Variants in MGLL observed in about 807,000 individuals in gnomAD.
The protein encoded by MGLL is lysophospholipase homolog.
In MGLL, 7 loss-of-function variants were observed where a neutral mutation model predicts 29.1. That is an observed-to-expected ratio of 0.24 (90% CI 0.14 to 0.45). The LOEUF is 0.45. MGLL is among the 20% of genes least tolerant of loss of function. The probability of loss-of-function intolerance (pLI) is 0.99; values close to 1 mark genes in which losing one functional copy is unlikely to be tolerated. For synonymous variants in MGLL, 148 were observed against 168.3 expected, an observed-to-expected ratio of 0.88 and a Z score of 0.93; for missense variants, 356 against 413.6, an observed-to-expected ratio of 0.86 and a Z score of 1.21.
chr3:127,770,978 G>T (rs1283939173), intron 3 of MGLL, among the ~76,000 whole-genome samples: 2 of 152,194 alleles, frequency 1.3e-5, no homozygotes, highest in African/African-American at 4.8e-5. Flanking sequence ...AGGGTCACAG[G>T]CAAGGTGCCC....
chr3:127,750,153 T>A (rs1320274529), intron 3 of MGLL, among the ~76,000 whole-genome samples: 1 of 152,102 alleles, frequency 6.6e-6, no homozygotes, highest in Non-Finnish European at 1.5e-5. Flanking sequence ...GGGACTAGAC[T>A]GCGGGGGTGA....
intron 6 of MGLL, among the ~76,000 whole-genome samples, chr3:127,698,825 A>G (rs1049342287): frequency 6.6e-6 from 1 of 152,242 alleles, no homozygotes; most frequent in Non-Finnish European, 1.5e-5. Context: ...AATTTAACTA[A>G]GAACAAGTAA....
At chr3:127,795,096 T>A (rs1406273040) in intron 2 of MGLL, among the ~76,000 whole-genome samples, 1 of 152,184 alleles carries the variant, frequency 6.6e-6, no homozygotes, top group East Asian at 1.9e-4. Flanking sequence ...ACAGCAATAT[T>A]CATGATAGCA....
At chr3:127,720,446 G>A (rs938752520) in intron 5 of MGLL, among the ~76,000 whole-genome samples, 3 of 152,168 alleles carry the variant, frequency 2.0e-5, no homozygotes, top group African/African-American at 4.8e-5. Context: ...CTCCTTTCTC[G>A]GGGAGAGAAG....
intron 7 of MGLL, among the ~76,000 whole-genome samples, chr3:127,692,760 C>T (rs1013911724): frequency 2.0e-5 from 3 of 152,218 alleles, no homozygotes; most frequent in Non-Finnish European, 4.4e-5. Context: ...ATTGCTGTGG[C>T]AGGGGACACT....
intron 7 of MGLL, 63 bp downstream of exon 7, chr3:127,694,911 AG>A: frequency 1.3e-6 from 2 of 1,543,654 alleles, no homozygotes; most frequent in Non-Finnish European, 1.8e-6. Context: ...ATGTGCCCCA[AG>A]GGGTGCTGCC....
In MGLL at chr3:127,754,970, T is replaced by C. The variant is rs1424559613; in HGVS notation, c.262+26819A>G. On this transcript the variant is annotated intron_variant, in intron 3 of 7. Coordinates refer to ENST00000265052, the MANE Select transcript of MGLL (RefSeq NM_007283.7). The stretch of plus-strand genomic sequence containing the variant: ...TCACCTAGCGCCCCAGAGAAGGGAT[T>C]GTGTGGGAGGAACGCGGGTTTCCAC... Among the ~76,000 whole-genome samples, 7 of 152,052 alleles carry C rather than the reference T, an allele frequency of 4.6e-5. 1 individual carries two copies. The South Asian group carries it at 1.3e-3, about 27-fold the overall frequency.
At chr3:127,820,219 T>C (rs2107764055) in intron 2 of MGLL, among the ~76,000 whole-genome samples, 1 of 152,280 alleles carries the variant, frequency 6.6e-6, no homozygotes, top group East Asian at 1.9e-4. Context: ...GGCAGCTCAG[T>C]TTAAATTAAG....
At chr3:127,777,616 A>G (rs2077056946) in intron 3 of MGLL, among the ~76,000 whole-genome samples, 1 of 145,650 alleles carries the variant, frequency 6.9e-6, no homozygotes, top group African/African-American at 2.5e-5. Context: ...CACAGATGAA[A>G]GCCACATGCT....
chr3:127,701,921 C>T (rs2075498771), intron 6 of MGLL, among the ~76,000 whole-genome samples: 1 of 152,186 alleles, frequency 6.6e-6, no homozygotes. Context: ...ACACCCTCGC[C>T]AACATCCATG....
At chr3:127,807,565 T>C (rs979434114) in intron 2 of MGLL, among the ~76,000 whole-genome samples, 1 of 151,910 alleles carries the variant, frequency 6.6e-6, no homozygotes, top group Non-Finnish European at 1.5e-5. Flanking sequence ...GATATTTGCA[T>C]TTTAAAAGAT....
intron 2 of MGLL, among the ~76,000 whole-genome samples, chr3:127,800,434 T>C (rs534623454): frequency 1.2e-4 from 19 of 152,228 alleles, no homozygotes; most frequent in Non-Finnish European, 2.5e-4. Context: ...TTCCTACTTC[T>C]GTGAGTTTGG....
intron 3 of MGLL, among the ~76,000 whole-genome samples, chr3:127,727,002 C>T (rs986184747): frequency 1.3e-5 from 2 of 152,196 alleles, no homozygotes; most frequent in Admixed American, 6.5e-5. Flanking sequence ...AACCAGGATG[C>T]AAAACTCTTA....
intron 7 of MGLL, among the ~76,000 whole-genome samples, chr3:127,692,679 G>A (rs2107574778): frequency 6.6e-6 from 1 of 152,208 alleles, no homozygotes; most frequent in East Asian, 1.9e-4. Flanking sequence ...GGGGTCCTCA[G>A]CTCATCCCAA....
chr3:127,805,604 C>T (rs1163935761), intron 2 of MGLL, among the ~76,000 whole-genome samples: 1 of 152,202 alleles, frequency 6.6e-6, no homozygotes, highest in African/African-American at 2.4e-5. Flanking sequence ...GTGAGGGTTA[C>T]GTAGCATCTG....
chr3:127,750,712 T>C (rs2076542690), intron 3 of MGLL, among the ~76,000 whole-genome samples: 1 of 151,814 alleles, frequency 6.6e-6, no homozygotes, highest in Non-Finnish European at 1.5e-5. Flanking sequence ...TGAAGGCTAA[T>C]TGTTTTGTCC....
At chr3:127,702,655 T>C (rs992366033) in intron 6 of MGLL, among the ~76,000 whole-genome samples, 1 of 152,204 alleles carries the variant, frequency 6.6e-6, no homozygotes, top group Non-Finnish European at 1.5e-5. Flanking sequence ...AAATTACTTT[T>C]TAGTATGAAG....
Position 127,691,588 on chromosome 3 carries a change from C to T in MGLL, c.*610G>A, listed in dbSNP as rs116779330. On this transcript the variant is annotated 3_prime_UTR_variant, in exon 8 of 8. Transcript: ENST00000265052. ...CTCCTTCTGGGCTAAGCCTCACCCC[C>T]CGCCCCTCTGCAAAGCCTGGTCTCA... The T allele has an allele frequency of 4.7e-3, 733 of 156,168 alleles. 7 individuals are homozygous for T. Among genetic ancestry groups the T allele is most frequent in the African/African-American group, 0.017 (696 of 41,540 alleles). 9.7% of individuals were successfully genotyped at this position (156,168 alleles called of 1,614,324 possible). A position where few individuals can be genotyped will look rare whatever the true frequency, so the allele number is the denominator to read the frequency against.
At chr3:127,707,262 T>A (rs2075621879) in intron 6 of MGLL, among the ~76,000 whole-genome samples, 1 of 152,146 alleles carries the variant, frequency 6.6e-6, no homozygotes, top group Non-Finnish European at 1.5e-5. Flanking sequence ...CTCCACCCCT[T>A]CCACAGCCTG....
Sources: allele counts gnomAD v4.1 joint callset (sites outside exome capture counted in the v4.1 genomes callset), GRCh38; gene constraint gnomAD v4.1.1; transcripts MANE v1.5; gene names NCBI Gene and HGNC (gene_info 2026-07-23, HGNC 2026-07-21).